Variants in ZBTB16 observed in about 807,000 individuals in gnomAD.
The protein encoded by ZBTB16 is zinc finger and BTB domain containing 16, also known as zinc finger and BTB domain-containing protein 16.
In ZBTB16, 8 loss-of-function variants were observed where a neutral mutation model predicts 56.8. The observed-to-expected ratio is 0.14, with a 90% CI of 0.08 to 0.25. The LOEUF (loss-of-function observed/expected upper bound fraction) is 0.25, where lower values mean the gene tolerates loss of function less well. ZBTB16 is among the 10% of genes least tolerant of loss of function. The pLI is 1.00. For synonymous variants in ZBTB16, 363 were observed against 368.5 expected (o/e 0.98, Z 0.17); for missense variants, 625 against 903.0 (o/e 0.69, Z 3.95).
intron 4 of ZBTB16, among the ~76,000 whole-genome samples, chr11:114,190,126 A>G (rs1943456140): frequency 6.6e-6 from 1 of 152,226 alleles, no homozygotes; most frequent in South Asian, 2.1e-4. Flanking sequence ...AGAGACAGAA[A>G]GTAAATTAGT....
intron 2 of ZBTB16, among the ~76,000 whole-genome samples, chr11:114,081,883 G>T (rs185126458): frequency 5.2e-4 from 79 of 152,234 alleles, no homozygotes; most frequent in African/African-American, 1.7e-3. Context: ...AGAGAGATTA[G>T]AGAAGGCAGC....
chr11:114,095,245 C>CTTTTCTTTTCTTTTCTTTCTTTTTTTTT (rs1555132749), intron 2 of ZBTB16, among the ~76,000 whole-genome samples: 1 of 90,480 alleles, frequency 1.1e-5, no homozygotes, highest in Non-Finnish European at 2.0e-5. Flanking sequence ...CTTTTCTTTT[C>CTTTTCTTTTCTTTTCTTTCTTTTTTTTT]TTTTTTTTTT....
In ZBTB16 at chr11:114,249,042, A is replaced by C. The variant is rs148770048; in HGVS notation, c.1793-1284A>C. Among the ~76,000 whole-genome samples, 422 of 152,266 alleles carry C rather than the reference A, an allele frequency of 2.8e-3. 2 individuals carry two copies. The highest frequency in any genetic ancestry group is 9.8e-3 in the African/African-American group (407 of 41,542). On this transcript the variant is annotated intron_variant, in intron 6 of 6. Transcript: ENST00000335953. ...GCTCTAGGGGACTCTATGGAAGGAA[A>C]GTTGGGGTATAGAACGCTAGGGTGT...
chr11:114,059,758 G>C lies in ZBTB16; in HGVS notation c.-215G>C, dbSNP rs917891822. The C allele has an allele frequency of 2.5e-6, 1 of 398,270 alleles. No individual in the cohort carries two copies. The highest frequency in any genetic ancestry group is 4.4e-6 in the Non-Finnish European group (1 of 225,932). The allele number at this position is 398,270 out of a possible 1,614,324, so 24.7% of individuals were successfully genotyped here. On this transcript the variant is annotated 5_prime_UTR_variant, in exon 1 of 7. Coordinates refer to ENST00000335953, the MANE Select transcript of ZBTB16 (RefSeq NM_006006.6). This position sits in a 1 kb window ranked among gnomAD's most constrained non-coding sequence, Gnocchi z 5.3. ...TGAGAGCGGGTACTGCGAACTGCCG[G>C]GCGATGCTGTCGCTGCCGCCGTGAT...
chr11:114,156,983 G>A (rs957000247), intron 3 of ZBTB16, among the ~76,000 whole-genome samples: 1 of 152,224 alleles, frequency 6.6e-6, no homozygotes, highest in African/African-American at 2.4e-5. Context: ...TGGCAGGCCC[G>A]AGTGTTCTTG....
At chr11:114,137,174 C>T (rs927487519) in intron 2 of ZBTB16, among the ~76,000 whole-genome samples, 18 of 152,162 alleles carry the variant, frequency 1.2e-4, no homozygotes, top group African/African-American at 4.3e-4. Flanking sequence ...CAGCAGTGAC[C>T]TTTGGAGTAC....
At chr11:114,187,140 C>G (rs781519745) in intron 4 of ZBTB16, 102 bp downstream of exon 4, 1 of 1,120,408 alleles carries the variant, frequency 8.9e-7, no homozygotes, top group African/African-American at 1.5e-5. Context: ...AATGTGACAT[C>G]CAGTAATTTC....
At chr11:114,115,444 A>G (rs1382034031) in intron 2 of ZBTB16, among the ~76,000 whole-genome samples, 3 of 150,112 alleles carry the variant, frequency 2.0e-5, no homozygotes, top group South Asian at 2.1e-4. Context: ...CTCTTAGCAC[A>G]TCGGCAGGTG....
rs1250530283 is a variant in ZBTB16 at position 114,148,428 on chromosome 11, T to TCTCTGTCTGTCTGTCC, written c.1269-7905_1269-7904insGTCTGTCTGTCCCTCT. Among the ~76,000 whole-genome samples the TCTCTGTCTGTCTGTCC allele has an allele frequency of 3.3e-3, 95 of 28,392 alleles. 13 individuals carry two copies. The highest frequency in any genetic ancestry group is 5.6e-3 in the Non-Finnish European group (64 of 11,498). The allele number at this position is 28,392 out of a possible 152,430, so 18.6% of individuals were successfully genotyped here. ...CCCTCCCTCCCTCCCTCCCTCCCTC[T>TCTCTGTCTGTCTGTCC]CTCTCTCTTTCTCTCTCTCTGTCTG... On this transcript the variant is annotated intron_variant, in intron 2 of 6. Transcript: ENST00000335953.
chr11:114,108,637 G>T (rs1247659855), intron 2 of ZBTB16, among the ~76,000 whole-genome samples: 1 of 152,132 alleles, frequency 6.6e-6, no homozygotes, highest in Non-Finnish European at 1.5e-5. Context: ...CTAGATGGGG[G>T]TGGCTGCCTG....
chr11:114,113,297 C>T (rs1455689242), intron 2 of ZBTB16, among the ~76,000 whole-genome samples: 3 of 152,172 alleles, frequency 2.0e-5, no homozygotes, highest in African/African-American at 7.2e-5. Flanking sequence ...TTCTTTCCTC[C>T]TATACGTTCT....
intron 2 of ZBTB16, among the ~76,000 whole-genome samples, chr11:114,112,166 G>A (rs886873276): frequency 6.6e-6 from 1 of 152,118 alleles, no homozygotes; most frequent in East Asian, 1.9e-4. Context: ...TTGCACATTT[G>A]TTGGTTCTCT....
At chr11:114,123,944 G>GC (rs1941416931) in intron 2 of ZBTB16, among the ~76,000 whole-genome samples, 1 of 152,180 alleles carries the variant, frequency 6.6e-6, no homozygotes, top group South Asian at 2.1e-4. Flanking sequence ...ACAGAGACCA[G>GC]ATGATGAATA....
At chr11:114,247,754 G>C (rs887150716) in intron 6 of ZBTB16, among the ~76,000 whole-genome samples, 7 of 152,208 alleles carry the variant, frequency 4.6e-5, no homozygotes, top group African/African-American at 1.4e-4. Context: ...TCAAGGGTTA[G>C]AGTAAGAATT....
intron 4 of ZBTB16, among the ~76,000 whole-genome samples, chr11:114,204,013 A>G (rs1402892006): frequency 6.6e-6 from 1 of 152,080 alleles, no homozygotes; most frequent in African/African-American, 2.4e-5. Context: ...GGGAGGAGTC[A>G]CTCTTGTCAA....
intron 4 of ZBTB16, among the ~76,000 whole-genome samples, chr11:114,218,533 A>G (rs190847438): frequency 6.6e-6 from 1 of 152,322 alleles, no homozygotes; most frequent in East Asian, 1.9e-4. Flanking sequence ...GGAGTGATTG[A>G]CATAAAGCCA....
chr11:114,124,130 T>C (rs1420944467), intron 2 of ZBTB16, among the ~76,000 whole-genome samples: 1 of 152,170 alleles, frequency 6.6e-6, no homozygotes, highest in Non-Finnish European at 1.5e-5. Context: ...TTTGTGACTC[T>C]TAGGACATCT....
chr11:114,087,733 G>C (rs1353971914), intron 2 of ZBTB16, among the ~76,000 whole-genome samples: 3 of 152,038 alleles, frequency 2.0e-5, no homozygotes, highest in Non-Finnish European at 4.4e-5. Context: ...GCCTATTCTA[G>C]AGAAGAAACG....
intron 4 of ZBTB16, among the ~76,000 whole-genome samples, chr11:114,240,288 GA>G (rs891872007): frequency 1.3e-5 from 2 of 152,190 alleles, no homozygotes; most frequent in African/African-American, 4.8e-5. Flanking sequence ...CCATGAGTGG[GA>G]CGGAGGTGGT....
Sources: allele counts gnomAD v4.1 joint callset (sites outside exome capture counted in the v4.1 genomes callset), GRCh38; gene constraint gnomAD v4.1.1; non-coding constraint Gnocchi (gnomAD v3.1); transcripts MANE v1.5; gene names NCBI Gene and HGNC (gene_info 2026-07-23, HGNC 2026-07-21).